The following DTNB variants were observed in gnomAD, a reference collection of about 807,000 sequenced individuals.
DTNB encodes the protein dystrobrevin beta.
Under a neutral mutation model 90.7 loss-of-function variants are expected in DTNB, and 63 were observed. The ratio of observed to expected loss-of-function variants is 0.69; its 90% CI spans 0.57 to 0.86. DTNB has a LOEUF of 0.86. Among genes scored for constraint, DTNB ranks in the 40% least tolerant of loss-of-function variants. DTNB has a pLI of 0.00. For synonymous variants in DTNB, 277 were observed against 286.7 expected (o/e 0.97, Z 0.34); for missense variants, 744 against 807.1 (o/e 0.92, Z 0.95).
At chr2:25,577,596 A>C (rs562825195) in intron 7 of DTNB, among the ~76,000 whole-genome samples, 3 of 152,330 alleles carry the variant, frequency 2.0e-5, no homozygotes, top group South Asian at 2.1e-4. Flanking sequence ...ATGTACTATC[A>C]AGGGCAATAC....
intron 8 of DTNB, among the ~76,000 whole-genome samples, chr2:25,537,111 C>T (rs2080007087): frequency 1.3e-5 from 2 of 152,070 alleles, no homozygotes; most frequent in South Asian, 4.1e-4. Context: ...GGATCTACAT[C>T]TTATTCATCT....
intron 8 of DTNB, among the ~76,000 whole-genome samples, chr2:25,563,887 T>C (rs1366994179): frequency 5.9e-5 from 9 of 152,200 alleles, no homozygotes; most frequent in African/African-American, 2.2e-4. Context: ...TGCTATTCTT[T>C]TTTTTTCTTT....
At chr2:25,614,218 ACCATCATACT>A (rs1258345392) in intron 4 of DTNB, among the ~76,000 whole-genome samples, 1 of 152,190 alleles carries the variant, frequency 6.6e-6, no homozygotes, top group Non-Finnish European at 1.5e-5. Flanking sequence ...AATCATGGTG[ACCATCATACT>A]CAGTGAAGAA....
intron 6 of DTNB, among the ~76,000 whole-genome samples, chr2:25,582,193 T>C (rs1005028845): frequency 6.6e-6 from 1 of 152,236 alleles, no homozygotes; most frequent in South Asian, 2.1e-4. Context: ...CCACTAAAAA[T>C]ATATATATTT....
At chr2:25,441,270 G>A (rs948753930) in intron 12 of DTNB, among the ~76,000 whole-genome samples, 1 of 152,294 alleles carries the variant, frequency 6.6e-6, no homozygotes, top group East Asian at 1.9e-4. Flanking sequence ...AGAACAACCC[G>A]AGGAATGGAT....
intron 2 of DTNB, among the ~76,000 whole-genome samples, chr2:25,639,550 C>T (rs1008553029): frequency 3.3e-5 from 5 of 150,930 alleles, no homozygotes; most frequent in East Asian, 1.9e-4. Context: ...AATGAGGGAA[C>T]GGACCGGTTG....
At chr2:25,406,321 C>T (rs2045153334) in intron 16 of DTNB, among the ~76,000 whole-genome samples, 1 of 151,966 alleles carries the variant, frequency 6.6e-6, no homozygotes, top group Non-Finnish European at 1.5e-5. Context: ...AAGGATGCTG[C>T]TAAACATCCT....
intron 6 of DTNB, among the ~76,000 whole-genome samples, chr2:25,585,345 G>A (rs1043691151): frequency 3.3e-5 from 5 of 152,090 alleles, no homozygotes; most frequent in African/African-American, 7.2e-5. Context: ...TCCACTGAGC[G>A]AAACCACCAT....
chr2:25,594,552 A>G (rs559884027), intron 6 of DTNB, among the ~76,000 whole-genome samples: 2 of 152,348 alleles, frequency 1.3e-5, no homozygotes, highest in East Asian at 3.9e-4. Flanking sequence ...GGGAGGGGCC[A>G]TGTGTGCATG....
At chr2:25,599,019 C>T (rs905374867) in intron 5 of DTNB, 8 of 151,358 alleles carry the variant, frequency 5.3e-5, no homozygotes, top group Admixed American at 3.3e-4. Flanking sequence ...TGTTAATGAC[C>T]GGCACACAAT....
intron 8 of DTNB, among the ~76,000 whole-genome samples, chr2:25,570,419 AAAAAAAAAAAAAG>A: frequency 1.3e-5 from 2 of 151,052 alleles, no homozygotes; most frequent in South Asian, 2.1e-4. Context: ...AAAAAAAAAA[AAAAAAAAAAAAAG>A]AAGAAAAAAA....
intron 9 of DTNB, among the ~76,000 whole-genome samples, chr2:25,492,987 C>G (rs1371244942): frequency 6.6e-6 from 1 of 152,170 alleles, no homozygotes; most frequent in Non-Finnish European, 1.5e-5. Flanking sequence ...CAGACAGCCA[C>G]GTACTTACCC....
chr2:25,460,895 G>GT (rs1170681020), intron 10 of DTNB, among the ~76,000 whole-genome samples: 44 of 120,712 alleles, frequency 3.6e-4, no homozygotes, highest in South Asian at 2.2e-3. Flanking sequence ...GCCAAGAAAG[G>GT]TTTTTTGTTT....
intron 10 of DTNB, among the ~76,000 whole-genome samples, chr2:25,471,320 G>A (rs1320096759): frequency 6.6e-6 from 1 of 151,948 alleles, no homozygotes; most frequent in African/African-American, 2.4e-5. Flanking sequence ...TCTTGATGAA[G>A]TAGCAGTCGT....
At chr2:25,605,995 A>G (rs547084574) in intron 5 of DTNB, among the ~76,000 whole-genome samples, 3 of 152,224 alleles carry the variant, frequency 2.0e-5, no homozygotes, top group Non-Finnish European at 4.4e-5. Flanking sequence ...GATAAACTGG[A>G]TAACAGTTGA....
At position 25,432,952 on chromosome 2, in the gene DTNB, G is replaced by A. The variant is rs1330679115; in HGVS notation, c.1391C>T (p.Ala464Val). The A allele has an allele frequency of 6.2e-6, 10 of 1,611,026 alleles. No homozygotes were observed. Among genetic ancestry groups the A allele is most frequent in the Non-Finnish European group, 8.5e-6 (10 of 1,179,356 alleles). Residue 464 changes from alanine to valine, a missense_variant, in exon 14 of 21, where the codon GCC (alanine) becomes GTC (valine). Coordinates refer to ENST00000406818, the MANE Select transcript of DTNB (RefSeq NM_021907.5). ...IQRLRLEHEQASQPTPEKAQQ... is the reference protein window; with the variant it reads ...IQRLRLEHEQVSQPTPEKAQQ... ...TGCCTTCTCAGGGGTGGGCTGGGAG[G>A]CCTGCTCGTGTTCCAGGCGGAGACG...
At chr2:25,380,999 G>A (rs2037541116) in intron 19 of DTNB, among the ~76,000 whole-genome samples, 2 of 152,252 alleles carry the variant, frequency 1.3e-5, no homozygotes, top group South Asian at 4.1e-4. Flanking sequence ...GCTAGAGTTC[G>A]TGGCCAGGGC....
chr2:25,535,635 A>ACTT (rs1289088737), intron 8 of DTNB, among the ~76,000 whole-genome samples: 3 of 131,194 alleles, frequency 2.3e-5, no homozygotes, highest in East Asian at 2.5e-4. Flanking sequence ...GGCGCTCCTC[A>ACTT]CCTCCCAGAC....
Position 25,414,345 on chromosome 2 carries a change from C to T in DTNB, c.1575+5170G>A, listed in dbSNP as rs565486787. Among the ~76,000 whole-genome samples the T allele has an allele frequency of 1.6e-4, 24 of 152,262 alleles. No homozygotes were observed. In the East Asian group the frequency reaches 4.2e-3, roughly 27 times the overall value. ...GATCTCGGCTCACTGTGAGCTCCGC[C>T]TCCTGGGTTCACGCCATTCTCCTGC... On this transcript the variant is annotated intron_variant, in intron 16 of 20. Transcript: ENST00000406818.
Sources: gnomAD v4.1 joint callset for allele counts (sites outside exome capture counted in the v4.1 genomes callset) on GRCh38, gnomAD v4.1.1 for gene constraint, MANE v1.5 for transcripts, NCBI Gene and HGNC (gene_info 2026-07-23, HGNC 2026-07-21) for gene names.